MYOZ2: variants seen among roughly 807,000 people sequenced by gnomAD.
MYOZ2 encodes the protein myozenin 2.
Under a neutral mutation model 25.4 loss-of-function variants are expected in MYOZ2, and 19 were observed. The observed-to-expected ratio is 0.75, with a 90% CI of 0.52 to 1.10. MYOZ2 has a LOEUF of 1.10. Among genes scored for constraint, MYOZ2 ranks in the 50% least tolerant of loss-of-function variants. The pLI, the probability that MYOZ2 is intolerant of heterozygous loss-of-function variation, is 0.00. For missense variants in MYOZ2, 270 were observed against 317.9 expected (o/e 0.85, Z 1.15); for synonymous variants, 92 against 106.9 (o/e 0.86, Z 0.86).
chr4:119,179,169 T>C (rs1002608107), intron 5 of MYOZ2, among the ~76,000 whole-genome samples: 6 of 152,218 alleles, frequency 3.9e-5, no homozygotes, highest in Admixed American at 6.5e-5. Flanking sequence ...CAGTGCTGGC[T>C]CCTGTCTGTC....
Position 119,186,546 on chromosome 4 carries a change from A to G in MYOZ2, c.*346A>G. 1 of 252,642 alleles carries G rather than the reference A, an allele frequency of 4.0e-6. No homozygotes were observed. Among genetic ancestry groups the G allele is most frequent in the Non-Finnish European group, 7.7e-6 (1 of 130,354 alleles). 15.7% of individuals were successfully genotyped at this position (252,642 alleles called of 1,614,324 possible). On this transcript the variant is annotated 3_prime_UTR_variant, in exon 6 of 6. Coordinates refer to ENST00000307128, the MANE Select transcript of MYOZ2 (RefSeq NM_016599.5). Reference sequence around the variant, plus strand: ...TTACAGTGTAAGTTTTTCAAGTGGAATCTAGAATCAAAATACAGGGAGAGA... The same window carrying G: ...TTACAGTGTAAGTTTTTCAAGTGGAGTCTAGAATCAAAATACAGGGAGAGA...
intron 2 of MYOZ2, among the ~76,000 whole-genome samples, chr4:119,138,360 T>C (rs1188049989): frequency 3.9e-5 from 6 of 152,186 alleles, no homozygotes; most frequent in Admixed American, 6.5e-5. Flanking sequence ...CAGTACTTTA[T>C]GAAACCGCTC....
intron 5 of MYOZ2, among the ~76,000 whole-genome samples, chr4:119,174,133 G>A (rs4834761): frequency 0.25 from 37,306 of 152,176 alleles, 4,969 homozygotes; most frequent in South Asian, 0.36. Context: ...GCTCCACTGC[G>A]CCCAGTCCCA....
chr4:119,136,729 C>A, intron 2 of MYOZ2, 128 bp downstream of exon 2: 1 of 960,306 alleles, frequency 1.0e-6, no homozygotes, highest in Non-Finnish European at 1.6e-6. Flanking sequence ...AAACCTGGAG[C>A]TCTAGGGGGT....
chr4:119,177,196 T>C (rs1411013196), intron 5 of MYOZ2, among the ~76,000 whole-genome samples: 3 of 152,232 alleles, frequency 2.0e-5, no homozygotes, highest in Non-Finnish European at 2.9e-5. Flanking sequence ...GCCATTATGA[T>C]CATTCCATTT....
At chr4:119,140,903 T>G (rs559962671) in intron 2 of MYOZ2, among the ~76,000 whole-genome samples, 160 of 152,284 alleles carry the variant, frequency 1.1e-3, no homozygotes, top group African/African-American at 3.5e-3. Context: ...CAGAGACATA[T>G]GAAATAAGAA....
At chr4:119,162,299 G>C (rs1741727140) in intron 4 of MYOZ2, among the ~76,000 whole-genome samples, 4 of 152,144 alleles carry the variant, frequency 2.6e-5, no homozygotes, top group Admixed American at 2.6e-4. Context: ...GAGGCTGGAC[G>C]GGCTTAAGGG....
At chr4:119,150,463 C>T (rs1185650827) in intron 2 of MYOZ2, among the ~76,000 whole-genome samples, 1 of 146,026 alleles carries the variant, frequency 6.8e-6, no homozygotes, top group African/African-American at 2.4e-5. Flanking sequence ...GGAGGGTAGG[C>T]ATTTCAGTAG....
intron 2 of MYOZ2, among the ~76,000 whole-genome samples, chr4:119,146,318 T>G (rs1191549473): frequency 6.6e-6 from 1 of 152,016 alleles, no homozygotes; most frequent in Non-Finnish European, 1.5e-5. Context: ...GGTAGACACT[T>G]ATTTATTGAT....
chr4:119,138,406 A>G (rs1741084915), intron 2 of MYOZ2, among the ~76,000 whole-genome samples: 1 of 152,168 alleles, frequency 6.6e-6, no homozygotes. Flanking sequence ...CTGACATTTT[A>G]TATGGAACTT....
At position 119,186,942 on chromosome 4, in the gene MYOZ2, G is replaced by C. The variant is rs1046806891; in HGVS notation, c.*742G>C. 2 of 152,186 alleles carry C rather than the reference G, an allele frequency of 1.3e-5. No individual in the cohort carries two copies. Among genetic ancestry groups the C allele is most frequent in the Non-Finnish European group, 2.9e-5 (2 of 68,024 alleles). 9.4% of individuals were successfully genotyped at this position (152,186 alleles called of 1,614,324 possible). A position where few individuals can be genotyped will look rare whatever the true frequency, so the allele number is the denominator to read the frequency against. On this transcript the variant is annotated 3_prime_UTR_variant, in exon 6 of 6. Coordinates refer to ENST00000307128, the MANE Select transcript of MYOZ2 (RefSeq NM_016599.5). ...AATCCCAATGCTGTGCATTGATTAT[G>C]TTCAACTTTATGTGTGCATTCTTAG...
intron 3 of MYOZ2, 129 bp downstream of exon 3, chr4:119,151,170 T>C (rs978667080): frequency 2.1e-5 from 21 of 980,576 alleles, no homozygotes; most frequent in Non-Finnish European, 2.9e-5. Flanking sequence ...CTATTTTTTT[T>C]TTATCATAAT....
In MYOZ2 at chr4:119,150,894, C is replaced by CA; in HGVS notation, c.104dup (p.Val36GlyfsTer17). Reference sequence around the variant, plus strand: ...CAGATGTTGATGGCATGGACCTGGGCAAAAAGGTCAGCATCCCCAGAGACA... The same window carrying CA: ...CAGATGTTGATGGCATGGACCTGGGCAAAAAAGGTCAGCATCCCCAGAGACA... On this transcript the variant is annotated frameshift_variant, in exon 3 of 6. Transcript: ENST00000307128. LOFTEE classifies it high-confidence loss of function. The CA allele has an allele frequency of 6.2e-7, 1 of 1,613,786 alleles. No homozygotes were observed. The highest frequency in any genetic ancestry group is 1.1e-5 in the South Asian group (1 of 91,074).
chr4:119,182,896 CTGTT>C (rs1742213873), intron 5 of MYOZ2, among the ~76,000 whole-genome samples: 1 of 152,082 alleles, frequency 6.6e-6, no homozygotes, highest in Non-Finnish European at 1.5e-5. Flanking sequence ...AGACTAAAAT[CTGTT>C]TGGGGAGGGA....
At chr4:119,140,085 G>A (rs1311664949) in intron 2 of MYOZ2, among the ~76,000 whole-genome samples, 1 of 152,174 alleles carries the variant, frequency 6.6e-6, no homozygotes, top group Non-Finnish European at 1.5e-5. Context: ...CAGAAAATGA[G>A]GAAGGCTGGA....
chr4:119,141,593 G>C (rs1741159857), intron 2 of MYOZ2, among the ~76,000 whole-genome samples: 1 of 152,052 alleles, frequency 6.6e-6, no homozygotes, highest in Non-Finnish European at 1.5e-5. Flanking sequence ...TGTTGGCAGG[G>C]CTGATCTCAA....
At position 119,137,274 on chromosome 4, in the gene MYOZ2, A is replaced by C. The variant is rs946941392; in HGVS notation, c.76+673A>C. Among the ~76,000 whole-genome samples, 3 of 152,148 alleles carry C rather than the reference A, an allele frequency of 2.0e-5. No homozygotes were observed. The East Asian group carries it at 5.8e-4, about 29-fold the overall frequency. ...TCTCTCCTTTTCTTTAAATTCTAGC[A>C]ACTAACTTGAGAAAGCAATGCTTTA... is the stretch of plus-strand genomic sequence containing the variant. On this transcript the variant is annotated intron_variant, in intron 2 of 5. Coordinates refer to ENST00000307128, the MANE Select transcript of MYOZ2 (RefSeq NM_016599.5).
chr4:119,137,778 C>T (rs1741065364), intron 2 of MYOZ2, among the ~76,000 whole-genome samples: 1 of 152,052 alleles, frequency 6.6e-6, no homozygotes, highest in African/African-American at 2.4e-5. Context: ...CATACCAATC[C>T]AAAGTTCCAA....
At chr4:119,171,140 C>T (rs535096495) in intron 5 of MYOZ2, among the ~76,000 whole-genome samples, 87 of 151,724 alleles carry the variant, frequency 5.7e-4, no homozygotes, top group African/African-American at 2.0e-3. Flanking sequence ...CCCTGCCAAA[C>T]AATAATACAA....
Sources: allele counts gnomAD v4.1 joint callset (sites outside exome capture counted in the v4.1 genomes callset), GRCh38; gene constraint gnomAD v4.1.1; transcripts MANE v1.5; gene names NCBI Gene and HGNC (gene_info 2026-07-23, HGNC 2026-07-21).